ACTN1: variants seen among roughly 807,000 people sequenced by gnomAD.
The protein encoded by ACTN1 is actinin alpha 1.
ACTN1 carries 30 observed loss-of-function variants against 119.6 expected under a neutral mutation model. The ratio of observed to expected loss-of-function variants is 0.25; its 90% CI spans 0.19 to 0.34. The LOEUF is 0.34. Among genes scored for constraint, ACTN1 ranks in the 10% least tolerant of loss-of-function variants. The probability of loss-of-function intolerance (pLI) is 1.00; values close to 1 mark genes in which losing one functional copy is unlikely to be tolerated. For synonymous variants in ACTN1, 429 were observed against 472.6 expected, an observed-to-expected ratio of 0.91 and a Z score of 1.20; for missense variants, 764 against 1,223.4, an observed-to-expected ratio of 0.62 and a Z score of 5.60.
intron 1 of ACTN1, among the ~76,000 whole-genome samples, chr14:68,964,264 T>C (rs2036630827): frequency 6.6e-6 from 1 of 152,122 alleles, no homozygotes; most frequent in Non-Finnish European, 1.5e-5. Flanking sequence ...ACAGCATCCC[T>C]CCAACTTAAA....
chr14:68,971,969 G>A (rs980042014), intron 1 of ACTN1, among the ~76,000 whole-genome samples: 2 of 152,046 alleles, frequency 1.3e-5, no homozygotes, highest in Non-Finnish European at 2.9e-5. Flanking sequence ...CCTCCTTTGG[G>A]GGGCACCCTG....
chr14:68,922,861 A>G (rs79143163), intron 2 of ACTN1, among the ~76,000 whole-genome samples: 291 of 152,342 alleles, frequency 1.9e-3, no homozygotes, highest in African/African-American at 6.6e-3. Context: ...TGGTGTGGGT[A>G]GTCCAAGGAC....
At chr14:68,976,548 A>G (rs953560600) in intron 1 of ACTN1, among the ~76,000 whole-genome samples, 2 of 152,236 alleles carry the variant, frequency 1.3e-5, no homozygotes, top group African/African-American at 4.8e-5. Context: ...GAATCTTCAG[A>G]GTCAGGCCCA....
intron 8 of ACTN1, among the ~76,000 whole-genome samples, chr14:68,896,825 T>C (rs2032914481): frequency 6.6e-6 from 1 of 152,184 alleles, no homozygotes; most frequent in African/African-American, 2.4e-5. Context: ...AGATAATTGA[T>C]GGCTTCATGA....
chr14:68,960,590 A>T (rs1337755975), intron 1 of ACTN1, among the ~76,000 whole-genome samples: 2 of 152,164 alleles, frequency 1.3e-5, no homozygotes, highest in African/African-American at 4.8e-5. Flanking sequence ...CTCCACTATG[A>T]CATAGCTCTG....
At chr14:68,978,858 G>A (rs1231687625) in intron 1 of ACTN1, 94 bp downstream of exon 1, 40 of 882,608 alleles carry the variant, frequency 4.5e-5, no homozygotes, top group Non-Finnish European at 6.5e-5. Context: ...CCCGGAACCG[G>A]TTCAGAGCCC....
intron 3 of ACTN1, among the ~76,000 whole-genome samples, chr14:68,920,507 T>C (rs2034580923): frequency 6.6e-6 from 1 of 152,240 alleles, no homozygotes; most frequent in Admixed American, 6.5e-5. Flanking sequence ...GGTAAGTGTT[T>C]CTAAGTAAAA....
At chr14:68,978,480 G>A (rs999713752) in intron 1 of ACTN1, 6 of 323,846 alleles carry the variant, frequency 1.9e-5, no homozygotes, top group Admixed American at 4.6e-5. Flanking sequence ...CGGGAGGCCC[G>A]CCGCTCAGGT....
In ACTN1 at chr14:68,874,840, G is replaced by T; in HGVS notation, c.*19C>A. On this transcript the variant is annotated 3_prime_UTR_variant, in exon 22 of 22. Transcript: ENST00000394419. Reference sequence around the variant, plus strand: ...GGCAGGGCACGGCGCACAAGACGAGGGCGGCCGGGCGGGGTGGATTAGAGG... The same window carrying T: ...GGCAGGGCACGGCGCACAAGACGAGTGCGGCCGGGCGGGGTGGATTAGAGG... 1 of 1,551,548 alleles carries T rather than the reference G, an allele frequency of 6.4e-7. No individual in the cohort carries two copies. Among genetic ancestry groups the T allele is most frequent in the Non-Finnish European group, 8.8e-7 (1 of 1,142,042 alleles).
chr14:68,919,696 C>T, intron 3 of ACTN1, among the ~76,000 whole-genome samples: 1 of 152,138 alleles, frequency 6.6e-6, no homozygotes, highest in South Asian at 2.1e-4. Flanking sequence ...GGGCACTGGC[C>T]TGAATTCCAG....
chr14:68,950,946 G>C lies in ACTN1; in HGVS notation c.106-25274C>G, dbSNP rs566418300. 1.4e-4 allele frequency among the ~76,000 whole-genome samples: 21 copies of C among 152,274 alleles called. No homozygotes were observed. In the South Asian group the frequency reaches 4.2e-3, roughly 30 times the overall value. ...ACATTTCAAATTGTGATTCAGGAGG[G>C]TGTTTAAGACCTCCAGTTAGAGGGG... On this transcript the variant is annotated intron_variant, in intron 1 of 21. Coordinates refer to ENST00000394419, the MANE Select transcript of ACTN1 (RefSeq NM_001130004.2).
chr14:68,959,282 C>T (rs920113936), intron 1 of ACTN1, among the ~76,000 whole-genome samples: 16 of 152,192 alleles, frequency 1.1e-4, no homozygotes, highest in Admixed American at 3.9e-4. Flanking sequence ...CACAGAAATG[C>T]CTTCCTACAA....
rs2034638275 is a variant in ACTN1, at chr14:68,921,349, G to A, written c.221-224C>T. The A allele has an allele frequency of 4.3e-6, 2 of 465,082 alleles. 1 individual carries two copies. Among genetic ancestry groups the A allele is most frequent in the East Asian group, 8.1e-5 (2 of 24,774 alleles). The allele number at this position is 465,082 out of a possible 1,614,324, so 28.8% of individuals were successfully genotyped here. ...TGCCTCTTCTTTCTTCTGCTTCTCA[G>A]GTCGAAATCTGCTTGCATCCACTCA... is the stretch of plus-strand genomic sequence containing the variant. On this transcript the variant is annotated intron_variant, in intron 2 of 21. Coordinates refer to ENST00000394419, the MANE Select transcript of ACTN1 (RefSeq NM_001130004.2).
intron 14 of ACTN1, 90 bp downstream of exon 14, chr14:68,884,078 C>T (rs2031794843): frequency 7.4e-7 from 1 of 1,353,424 alleles, no homozygotes; most frequent in Non-Finnish European, 9.9e-7. Context: ...GATGCTCTTC[C>T]TCAGGGGGCA....
At chr14:68,905,030 A>T (rs2140257027) in intron 6 of ACTN1, among the ~76,000 whole-genome samples, 1 of 152,342 alleles carries the variant, frequency 6.6e-6, no homozygotes, top group East Asian at 1.9e-4. Flanking sequence ...AACGTGTGCC[A>T]AGGGCAGGGC....
At chr14:68,941,850 C>G (rs2268984) in intron 1 of ACTN1, among the ~76,000 whole-genome samples, 20,850 of 152,084 alleles carry the variant, frequency 0.14, 2,454 homozygotes, top group East Asian at 0.64. Flanking sequence ...TAGCAGGATC[C>G]AGCAGGCACT....
chr14:68,977,866 G>A (rs1016587380), intron 1 of ACTN1: 1 of 446,612 alleles, frequency 2.2e-6, no homozygotes, highest in African/African-American at 2.0e-5. Context: ...AAACGGGGAG[G>A]GACCGGATGG....
At chr14:68,936,673 C>T (rs1000707436) in intron 1 of ACTN1, 18 of 624,694 alleles carry the variant, frequency 2.9e-5, no homozygotes, top group African/African-American at 1.7e-4. Flanking sequence ...GGAGCCTGGC[C>T]GGGTGAAGTC....
intron 1 of ACTN1, among the ~76,000 whole-genome samples, chr14:68,963,524 CT>C (rs2036606788): frequency 1.3e-5 from 2 of 152,224 alleles, no homozygotes; most frequent in South Asian, 2.1e-4. Context: ...GCAGTGCCTT[CT>C]GCCCCAGTGT....
Sources: gnomAD v4.1 joint callset for allele counts (sites outside exome capture counted in the v4.1 genomes callset) on GRCh38, gnomAD v4.1.1 for gene constraint, MANE v1.5 for transcripts, NCBI Gene and HGNC (gene_info 2026-07-23, HGNC 2026-07-21) for gene names.